The following KCTD14 variants were observed in gnomAD, a reference collection of about 807,000 sequenced individuals.
KCTD14 encodes potassium channel tetramerization domain containing 14.
A neutral mutation model predicts 5.9 loss-of-function variants in KCTD14; 7 were observed. That is an observed-to-expected ratio of 1.19 (90% CI 0.68 to 2.23). The LOEUF (loss-of-function observed/expected upper bound fraction) is 2.23. KCTD14 is among the 30% of genes most tolerant of loss of function. KCTD14 has a pLI of 0.00. For synonymous variants in KCTD14, 140 were observed against 133.1 expected (o/e 1.05, Z -0.36); for missense variants, 342 against 332.2 (o/e 1.03, Z -0.23).
chr11:78,025,085 CGTGTGTGT>C (rs1163862866), upstream of KCTD14, among the ~76,000 whole-genome samples: 1,181 of 89,270 alleles, frequency 0.013, 21 homozygotes, highest in Non-Finnish European at 0.02. Flanking sequence ...TATATACACA[CGTGTGTGT>C]GTGTGTGTGT....
rs1328327044 is a variant in KCTD14 at position 78,016,303 on chromosome 11, GCATTGT to G, written c.*284_*289del. The G allele has an allele frequency of 2.3e-6, 1 of 432,996 alleles. No homozygotes were observed. Among genetic ancestry groups the G allele is most frequent in the Non-Finnish European group, 4.2e-6 (1 of 240,660 alleles). The allele number at this position is 432,996 out of a possible 1,614,324, so 26.8% of individuals were successfully genotyped here. ...TTGTCATCTCACATCTCTTGCCAACGCATTGTTGAAACATTCTTACTTGGTCTTGTT... is the reference window on the plus strand; with the variant it reads ...TTGTCATCTCACATCTCTTGCCAACGTGAAACATTCTTACTTGGTCTTGTT... On this transcript the variant is annotated 3_prime_UTR_variant, in exon 2 of 2. Coordinates refer to ENST00000353172, the MANE Select transcript of KCTD14 (RefSeq NM_023930.4).
At chr11:78,021,912 A>C (rs1857321221) in intron 1 of KCTD14, among the ~76,000 whole-genome samples, 1 of 152,080 alleles carries the variant, frequency 6.6e-6, no homozygotes, top group African/African-American at 2.4e-5. Flanking sequence ...TCCAATCCAG[A>C]GCTGGGCAAG....
intron 1 of KCTD14, among the ~76,000 whole-genome samples, chr11:78,021,685 T>C (rs112266621): frequency 0.22 from 32,875 of 152,152 alleles, 3,570 homozygotes; most frequent in Middle Eastern, 0.25. Flanking sequence ...CCCAAAGTGC[T>C]GGAACTACAG....
intron 1 of KCTD14, among the ~76,000 whole-genome samples, chr11:78,045,637 T>C (rs1010275069): frequency 2.0e-5 from 3 of 152,116 alleles, no homozygotes; most frequent in Admixed American, 2.0e-4. Flanking sequence ...CAAAGGCAGT[T>C]TGGAGGTTAA....
chr11:78,036,708 A>G (rs1481858308), intron 2 of KCTD14, among the ~76,000 whole-genome samples: 1 of 152,198 alleles, frequency 6.6e-6, no homozygotes, highest in Non-Finnish European at 1.5e-5. Context: ...TCTTTTTAGT[A>G]AGACATTACT....
At chr11:78,040,545 T>C (rs1469613249) in intron 1 of KCTD14, among the ~76,000 whole-genome samples, 1 of 151,028 alleles carries the variant, frequency 6.6e-6, no homozygotes, top group Non-Finnish European at 1.5e-5. Context: ...TTCTGTGTCT[T>C]TTCTCTGTCT....
chr11:78,046,094 C>T, exon 1 of KCTD14: 1 of 985,146 alleles, frequency 1.0e-6, no homozygotes. Flanking sequence ...CCGAGAAAAG[C>T]GAGTGATCTG....
At chr11:78,032,601 T>G (rs1857657057) in intron 2 of KCTD14, among the ~76,000 whole-genome samples, 1 of 149,168 alleles carries the variant, frequency 6.7e-6, no homozygotes, top group Non-Finnish European at 1.5e-5. Flanking sequence ...ACTGCTCTGT[T>G]GTCCACACCC....
At chr11:78,029,965 TA>T (rs1857570677) in intron 2 of KCTD14, among the ~76,000 whole-genome samples, 2 of 151,934 alleles carry the variant, frequency 1.3e-5, no homozygotes, top group South Asian at 4.2e-4. Flanking sequence ...TTGTATTTTT[TA>T]GTAGAGACAG....
intron 1 of KCTD14, among the ~76,000 whole-genome samples, chr11:78,020,263 A>G (rs1408819959): frequency 1.3e-5 from 2 of 152,234 alleles, no homozygotes; most frequent in Admixed American, 6.5e-5. Flanking sequence ...GGATGGGGAC[A>G]GGGCTCAGGA....
At chr11:78,038,752 T>C in exon 2 of KCTD14, 2 of 1,535,706 alleles carry the variant, frequency 1.3e-6, no homozygotes, top group Non-Finnish European at 1.7e-6. Flanking sequence ...GAGGCCAATG[T>C]CACCCCCTGA....
At chr11:78,026,777 T>C (rs1275018542), upstream of KCTD14, among the ~76,000 whole-genome samples, 1 of 152,110 alleles carries the variant, frequency 6.6e-6, no homozygotes, top group South Asian at 2.1e-4. Context: ...TCAAAAAATA[T>C]ATATCTCTGT....
intron 2 of KCTD14, among the ~76,000 whole-genome samples, chr11:78,030,588 A>G (rs1857587249): frequency 6.6e-6 from 1 of 152,186 alleles, no homozygotes; most frequent in Admixed American, 6.5e-5. Flanking sequence ...GCCTGACTCC[A>G]AGAGCAAGCA....
In KCTD14 at chr11:78,017,148, C is replaced by T. The variant is rs150615018; in HGVS notation, c.213G>A (p.Thr71=). The change falls in exon 2 of 2, where the codon ACG becomes ACA. Residue 71 remains threonine, a synonymous_variant. Coordinates refer to ENST00000353172, the MANE Select transcript of KCTD14 (RefSeq NM_023930.4). ...EMFSSLAKAS[T]DAEGRFFIDR... Reference sequence around the variant, plus strand: ...CGATGAAGAAGCGGCCCTCCGCGTCCGTGGAGGCCTTGGCTAAGCTAGAGA... The same window carrying T: ...CGATGAAGAAGCGGCCCTCCGCGTCTGTGGAGGCCTTGGCTAAGCTAGAGA... The T allele has an allele frequency of 1.4e-4, 229 of 1,614,152 alleles. 2 individuals are homozygous for T. The African/African-American group carries it at 1.9e-3, about 14-fold the overall frequency.
intron 1 of KCTD14, among the ~76,000 whole-genome samples, chr11:78,019,095 T>C (rs1054794835): frequency 1.3e-5 from 2 of 151,162 alleles, no homozygotes; most frequent in South Asian, 4.2e-4. Context: ...GTGATCTTGG[T>C]TCACTACAAC....
intron 1 of KCTD14, 200 bp downstream of exon 1, chr11:78,022,960 G>T: frequency 1.8e-6 from 1 of 543,266 alleles, no homozygotes; most frequent in South Asian, 2.4e-5. Context: ...ACACCGAGGC[G>T]CGAAAGGAGA....
At chr11:78,024,359 T>C (rs1857386374), upstream of KCTD14, among the ~76,000 whole-genome samples, 1 of 137,204 alleles carries the variant, frequency 7.3e-6, no homozygotes, top group Non-Finnish European at 1.5e-5. Flanking sequence ...AACTCCAGCC[T>C]GGGCAACAAA....
chr11:78,031,736 C>T (rs1179672666), intron 2 of KCTD14, among the ~76,000 whole-genome samples: 1 of 152,178 alleles, frequency 6.6e-6, no homozygotes, highest in African/African-American at 2.4e-5. Context: ...TACTGTGTGT[C>T]AATCATGGCA....
At chr11:78,040,516 G>A (rs982830453) in intron 1 of KCTD14, among the ~76,000 whole-genome samples, 16 of 149,456 alleles carry the variant, frequency 1.1e-4, no homozygotes, top group African/African-American at 3.7e-4. Flanking sequence ...AATTTTCTCC[G>A]CCTGGAATCC....
Sources: gnomAD v4.1 joint callset for allele counts (sites outside exome capture counted in the v4.1 genomes callset) on GRCh38, gnomAD v4.1.1 for gene constraint, MANE v1.5 for transcripts, NCBI Gene and HGNC (gene_info 2026-07-23, HGNC 2026-07-21) for gene names.